TTC7A: variants seen among roughly 807,000 people sequenced by gnomAD.
TTC7A encodes tetratricopeptide repeat domain 7A, also known as tetratricopeptide repeat protein 7A.
Under a neutral mutation model 103.7 loss-of-function variants are expected in TTC7A, and 110 were observed. That is an observed-to-expected ratio of 1.06 (90% CI 0.91 to 1.24). TTC7A has a LOEUF of 1.24. Ranked by LOEUF, TTC7A falls within the 50% of genes most tolerant of loss-of-function variation. The probability of loss-of-function intolerance (pLI) is 0.00; values close to 1 mark genes in which losing one functional copy is unlikely to be tolerated. For synonymous variants in TTC7A, 521 were observed against 467.9 expected (o/e 1.11, Z -1.47); for missense variants, 1,340 against 1,116.3 (o/e 1.20, Z -2.86).
chr2:46,917,177 T>G, intron 1 of TTC7A: 2 of 701,804 alleles, frequency 2.8e-6, no homozygotes, highest in Non-Finnish European at 5.2e-6. Context: ...TTTTTCTTTT[T>G]TTAAAGAAAA....
rs1264534492 is a variant in TTC7A at position 46,950,460 on chromosome 2, G to C, written c.282G>C (p.Lys94Asn). Residue 94 changes from lysine (K) to asparagine (N), a missense_variant, in exon 2 of 20, where the codon AAG becomes AAC. Lys to Asn is a moderately conservative substitution (Grantham distance 94). Transcript: ENST00000319190. ...KIKDSMPLLEKNEPKMSEAKN... is the reference protein window; with the variant it reads ...KIKDSMPLLENNEPKMSEAKN... ...AAGACTCCATGCCTTTGCTGGAGAAGAATGAGCCGAAGATGAGCGAAGCCA... is the reference window on the plus strand; with the variant it reads ...AAGACTCCATGCCTTTGCTGGAGAACAATGAGCCGAAGATGAGCGAAGCCA... 6.2e-7 allele frequency: 1 copy of C among 1,614,200 alleles called. No individual in the cohort carries two copies. Among genetic ancestry groups the C allele is most frequent in the Non-Finnish European group, 8.5e-7 (1 of 1,180,042 alleles).
At chr2:47,008,531 A>G (rs578180831) in intron 10 of TTC7A, among the ~76,000 whole-genome samples, 1 of 152,202 alleles carries the variant, frequency 6.6e-6, no homozygotes, top group South Asian at 2.1e-4. Context: ...GTGGGCTTGC[A>G]TCAGGGAGTT....
intron 19 of TTC7A, among the ~76,000 whole-genome samples, chr2:47,073,083 C>A (rs1371214607): frequency 6.6e-6 from 1 of 152,202 alleles, no homozygotes; most frequent in African/African-American, 2.4e-5. Flanking sequence ...CCATCTGACT[C>A]TCCTCCCATG....
At chr2:47,028,254 G>T (rs1040465258) in intron 14 of TTC7A, among the ~76,000 whole-genome samples, 3 of 152,212 alleles carry the variant, frequency 2.0e-5, no homozygotes, top group Admixed American at 1.3e-4. Flanking sequence ...TGTGGTCTCA[G>T]CCCTGAAATA....
In TTC7A at chr2:47,021,751, C is replaced by G. The variant is rs1312007609; in HGVS notation, c.1393-111C>G. On this transcript the variant is annotated intron_variant, in intron 11 of 19. Coordinates refer to ENST00000319190, the MANE Select transcript of TTC7A (RefSeq NM_020458.4). ...AAGCTTCTCCCTGTGAGAGTAAGGCCCTGTGACCTTGAGCACAAGGCTTCT... is the reference window on the plus strand; with the variant it reads ...AAGCTTCTCCCTGTGAGAGTAAGGCGCTGTGACCTTGAGCACAAGGCTTCT... 5 of 831,274 alleles carry G rather than the reference C, an allele frequency of 6.0e-6. No homozygotes were observed. The East Asian group carries it at 1.2e-4, about 20-fold the overall frequency. 51.5% of individuals were successfully genotyped at this position (831,274 alleles called of 1,614,324 possible).
At chr2:46,999,328 C>A in intron 8 of TTC7A, 1 of 184,088 alleles carries the variant, frequency 5.4e-6, no homozygotes, top group Non-Finnish European at 1.0e-5. Context: ...CACCATTCAT[C>A]TGTCCACCTA....
chr2:46,969,685 A>G (rs1673184298), intron 3 of TTC7A, among the ~76,000 whole-genome samples: 1 of 152,134 alleles, frequency 6.6e-6, no homozygotes, highest in Admixed American at 6.5e-5. Context: ...TGCTGGGATT[A>G]CAGGCATGAG....
intron 8 of TTC7A, among the ~76,000 whole-genome samples, chr2:46,998,294 A>T (rs531606317): frequency 2.0e-5 from 3 of 152,162 alleles, no homozygotes; most frequent in Non-Finnish European, 2.9e-5. Flanking sequence ...ATCTGCAGTG[A>T]CCTTTCCCCC....
chr2:46,969,421 GGCGTGAACCCGGGAGGCAGA>G (rs1459697405), intron 3 of TTC7A, among the ~76,000 whole-genome samples: 2 of 151,878 alleles, frequency 1.3e-5, no homozygotes, highest in Non-Finnish European at 2.9e-5. Flanking sequence ...GCAGGAGAAT[GGCGTGAACCCGGGAGGCAGA>G]GCTTGCAGTG....
intron 18 of TTC7A, chr2:47,054,255 AACAGTTT>A (rs10555966): frequency 0.34 from 228,484 of 666,292 alleles, 47,759 homozygotes; most frequent in East Asian, 0.71. Context: ...TTTCTCATGT[AACAGTTT>A]ACAGTTTACA....
At chr2:46,997,068 T>A (rs1445396545) in intron 8 of TTC7A, among the ~76,000 whole-genome samples, 3 of 152,122 alleles carry the variant, frequency 2.0e-5, no homozygotes, top group African/African-American at 7.2e-5. Flanking sequence ...AACCTCTGTC[T>A]CCCAGGTTAA....
intron 15 of TTC7A, among the ~76,000 whole-genome samples, chr2:47,032,050 C>A (rs1014239380): frequency 6.6e-6 from 1 of 152,224 alleles, no homozygotes; most frequent in Non-Finnish European, 1.5e-5. Flanking sequence ...AACACGTGCA[C>A]TTTCCACCCT....
intron 5 of TTC7A, among the ~76,000 whole-genome samples, chr2:46,984,206 T>C (rs1285926300): frequency 1.3e-5 from 2 of 152,206 alleles, no homozygotes; most frequent in African/African-American, 4.8e-5. Context: ...TAGCTGGCGG[T>C]CTTATCTGAT....
At chr2:47,058,523 C>T (rs1683504255) in intron 18 of TTC7A, among the ~76,000 whole-genome samples, 1 of 152,226 alleles carries the variant, frequency 6.6e-6, no homozygotes, top group African/African-American at 2.4e-5. Context: ...CATCTCTGTT[C>T]TCTATCCCAC....
chr2:47,068,060 G>C (rs1684327056), intron 19 of TTC7A: 1 of 152,602 alleles, frequency 6.6e-6, no homozygotes, highest in South Asian at 2.1e-4. Flanking sequence ...GGGAGAATGA[G>C]CTGAGGGACG....
upstream of TTC7A, among the ~76,000 whole-genome samples, chr2:46,938,245 A>C (rs1389530768): frequency 6.6e-6 from 1 of 152,216 alleles, no homozygotes; most frequent in Non-Finnish European, 1.5e-5. Context: ...TAAACCCACA[A>C]GGAAACATTT....
At chr2:46,989,633 T>TC (rs1675401019) in intron 5 of TTC7A, among the ~76,000 whole-genome samples, 3 of 149,170 alleles carry the variant, frequency 2.0e-5, no homozygotes, top group African/African-American at 7.5e-5. Context: ...TTTTTTTTTT[T>TC]CTTGAAGGAC....
Position 47,021,846 on chromosome 2 carries a change from T to A in TTC7A, c.1393-16T>A. 1 of 1,609,406 alleles carries A rather than the reference T, an allele frequency of 6.2e-7. No homozygotes were observed. Among genetic ancestry groups the A allele is most frequent in the Non-Finnish European group, 8.5e-7 (1 of 1,175,728 alleles). ...TCCAACCCCACCTCCATGACCTCTG[T>A]CTCTCCTCTTTGCAGCTAGAGGAAG... On this transcript the variant is annotated splice_polypyrimidine_tract_variant and intron_variant, in intron 11 of 19. Transcript: ENST00000319190.
intron 15 of TTC7A, among the ~76,000 whole-genome samples, chr2:47,036,798 C>A (rs1681157983): frequency 6.6e-6 from 1 of 152,224 alleles, no homozygotes; most frequent in African/African-American, 2.4e-5. Context: ...GTTCAGGCTG[C>A]AGTGAGCTGT....
Sources: allele counts gnomAD v4.1 joint callset (sites outside exome capture counted in the v4.1 genomes callset), GRCh38; gene constraint gnomAD v4.1.1; transcripts MANE v1.5; gene names NCBI Gene and HGNC (gene_info 2026-07-23, HGNC 2026-07-21).